Variants in RAB14 observed in about 807,000 individuals in gnomAD.
RAB14 encodes the protein RAB14, member RAS oncogene family, also known as ras-related protein Rab-14.
In RAB14, 3 loss-of-function variants were observed where a neutral mutation model predicts 31.1. The observed-to-expected ratio is 0.10, with a 90% CI of 0.04 to 0.25. The LOEUF (loss-of-function observed/expected upper bound fraction) is 0.25. Ranked by LOEUF, RAB14 falls within the 10% of genes least tolerant of loss-of-function variation. The pLI is 1.00. For synonymous variants in RAB14, 85 were observed against 84.9 expected, an observed-to-expected ratio of 1.00 and a Z score of 0.00; for missense variants, 111 against 260.1, an observed-to-expected ratio of 0.43 and a Z score of 3.94.
rs999471036 is a variant in RAB14, at chr9:121,178,862, C to T, written c.*2534G>A. On this transcript the variant is annotated 3_prime_UTR_variant, in exon 8 of 8. Transcript: ENST00000373840. ...CAACCTCAAGAGGCAGGTGACTGCACAAGCAGTAAGCTATGGATTAAAAAT... is the reference window on the plus strand; with the variant it reads ...CAACCTCAAGAGGCAGGTGACTGCATAAGCAGTAAGCTATGGATTAAAAAT... 6.6e-6 allele frequency: 1 copy of T among 152,320 alleles called. No individual in the cohort carries two copies. The highest frequency in any genetic ancestry group is 2.1e-4 in the South Asian group (1 of 4,826). 9.4% of individuals were successfully genotyped at this position (152,320 alleles called of 1,614,324 possible).
intron 4 of RAB14, among the ~76,000 whole-genome samples, chr9:121,187,956 G>A (rs2053666641): frequency 1.3e-5 from 2 of 151,958 alleles, no homozygotes; most frequent in Non-Finnish European, 2.9e-5. Context: ...TCCTTTAAGT[G>A]TTTCTAGTTT....
intron 5 of RAB14, among the ~76,000 whole-genome samples, chr9:121,185,168 G>A (rs923485052): frequency 2.9e-4 from 44 of 152,176 alleles, no homozygotes; most frequent in African/African-American, 1.0e-3. Flanking sequence ...GACACAGGGC[G>A]GTAAGGTTAA....
chr9:121,194,098 A>T (rs200325047), intron 1 of RAB14, among the ~76,000 whole-genome samples: 467 of 71,556 alleles, frequency 6.5e-3, no homozygotes, highest in African/African-American at 0.013. Context: ...TATCACTCAC[A>T]CACACACACA....
Position 121,190,605 on chromosome 9 carries a change from C to A in RAB14, c.233G>T (p.Arg78Leu). 1 of 1,613,198 alleles carries A rather than the reference C, an allele frequency of 6.2e-7. No homozygotes were observed. Among genetic ancestry groups the A allele is most frequent in the Non-Finnish European group, 8.5e-7 (1 of 1,179,540 alleles). The change falls in exon 4 of 8, where the codon CGG becomes CTG. Residue 78 changes from arginine (R) to leucine (L), a missense_variant. By Grantham distance (102) the Arg-to-Leu change is moderately radical. Coordinates refer to ENST00000373840, the MANE Select transcript of RAB14 (RefSeq NM_016322.4). Reference sequence around the variant, plus strand: ...TCCCGCAGCTCCTCTGTAGTAGCTCCGTGTAACAGCCCTAAATCGCTCCTG... The same window carrying A: ...TCCCGCAGCTCCTCTGTAGTAGCTCAGTGTAACAGCCCTAAATCGCTCCTG... ...AGQERFRAVT[R>L]SYYRGAAGAL...
rs187637515 is a variant in RAB14 at position 121,194,180 on chromosome 9, G to A, written c.-7-761C>T. Among the ~76,000 whole-genome samples, 31 of 151,440 alleles carry A rather than the reference G, an allele frequency of 2.0e-4. No individual in the cohort carries two copies. In the East Asian group the frequency reaches 3.9e-3, roughly 19 times the overall value. Reference sequence around the variant, plus strand: ...GGGTCTTGAACTCCTGGCCTTAAGCGTCCCTCCCATCTCAGTCTCCCAAAG... The same window carrying A: ...GGGTCTTGAACTCCTGGCCTTAAGCATCCCTCCCATCTCAGTCTCCCAAAG... On this transcript the variant is annotated intron_variant, in intron 1 of 7. Transcript: ENST00000373840.
chr9:121,200,370 A>T (rs1037470109), intron 1 of RAB14, among the ~76,000 whole-genome samples: 1 of 152,212 alleles, frequency 6.6e-6, no homozygotes, highest in African/African-American at 2.4e-5. Context: ...AAATAAAAGA[A>T]TTTTTTAAAG....
chr9:121,183,294 G>C lies in RAB14; in HGVS notation c.439+17C>G. On this transcript the variant is annotated intron_variant, in intron 6 of 7. Coordinates refer to ENST00000373840, the MANE Select transcript of RAB14 (RefSeq NM_016322.4). ...AAATTCTCCCAATTGTGACCATTAA[G>C]TCTTAAAGAAACTCACCATTTTCTT... 1 of 1,577,902 alleles carries C rather than the reference G, an allele frequency of 6.3e-7. No individual in the cohort carries two copies. The highest frequency in any genetic ancestry group is 2.2e-5 in the East Asian group (1 of 44,596).
intron 4 of RAB14, among the ~76,000 whole-genome samples, chr9:121,189,606 CAATAA>C (rs1337246217): frequency 6.6e-6 from 1 of 152,004 alleles, no homozygotes; most frequent in African/African-American, 2.4e-5. Context: ...GTGTGTTCCT[CAATAA>C]AATAAGCTTA....
intron 1 of RAB14, among the ~76,000 whole-genome samples, chr9:121,198,741 A>G (rs2053732660): frequency 6.6e-6 from 1 of 152,194 alleles, no homozygotes; most frequent in Non-Finnish European, 1.5e-5. Flanking sequence ...AATGATCAAA[A>G]AAGACAACAC....
chr9:121,195,925 T>C (rs1485789357), intron 1 of RAB14, among the ~76,000 whole-genome samples: 2 of 152,186 alleles, frequency 1.3e-5, no homozygotes, highest in East Asian at 1.9e-4. Context: ...AGTAGAATTA[T>C]ATTCAATACT....
At position 121,179,915 on chromosome 9, in the gene RAB14, A is replaced by G. The variant is rs547445137; in HGVS notation, c.*1481T>C. On this transcript the variant is annotated 3_prime_UTR_variant, in exon 8 of 8. Transcript: ENST00000373840. ...CTATTCTATTTCAAATAAATTCTCA[A>G]TTCCCAGCCACTGAATCATAAATGC... 4 of 152,672 alleles carry G rather than the reference A, an allele frequency of 2.6e-5. No homozygotes were observed. The highest frequency in any genetic ancestry group is 4.1e-4 in the South Asian group (2 of 4,828). The allele number at this position is 152,672 out of a possible 1,614,324, so 9.5% of individuals were successfully genotyped here. A position where few individuals can be genotyped will look rare whatever the true frequency, so the allele number is the denominator to read the frequency against.
intron 3 of RAB14, among the ~76,000 whole-genome samples, chr9:121,191,389 G>A (rs2053685780): frequency 6.6e-6 from 1 of 152,094 alleles, no homozygotes; most frequent in Non-Finnish European, 1.5e-5. Context: ...CCATGTTGGA[G>A]TGCAGTAGCA....
chr9:121,189,809 A>T (rs1020551804), intron 4 of RAB14, among the ~76,000 whole-genome samples: 1 of 152,116 alleles, frequency 6.6e-6, no homozygotes, highest in African/African-American at 2.4e-5. Flanking sequence ...CCCCCAAGAA[A>T]CAGAGTCACA....
rs1885995 is a variant in RAB14 at position 121,178,518 on chromosome 9, C to G, written c.*2878G>C. Reference sequence around the variant, plus strand: ...TTCTGTTTAGGGGAATGAACTGAACCACTCATTTTTTTAAAATCACACTTA... The same window carrying G: ...TTCTGTTTAGGGGAATGAACTGAACGACTCATTTTTTTAAAATCACACTTA... On this transcript the variant is annotated 3_prime_UTR_variant, in exon 8 of 8. Coordinates refer to ENST00000373840, the MANE Select transcript of RAB14 (RefSeq NM_016322.4). 78,000 of 152,304 alleles carry G rather than the reference C, an allele frequency of 0.51. 21,899 individuals are homozygous for G. Among genetic ancestry groups the G allele is most frequent in the South Asian group, 0.8 (3,874 of 4,818 alleles). The allele number at this position is 152,304 out of a possible 1,614,324, so 9.4% of individuals were successfully genotyped here.
chr9:121,188,676 G>GT (rs1328555682), intron 4 of RAB14, among the ~76,000 whole-genome samples: 1 of 151,856 alleles, frequency 6.6e-6, no homozygotes. Flanking sequence ...GGACTTTTAC[G>GT]TTTGTAAAAT....
intron 3 of RAB14, among the ~76,000 whole-genome samples, chr9:121,191,555 T>C (rs2053686871): frequency 6.6e-6 from 1 of 152,112 alleles, no homozygotes; most frequent in African/African-American, 2.4e-5. Context: ...TCTAAGCCAA[T>C]TAACAAATTT....
chr9:121,196,813 A>G (rs2053719648), intron 1 of RAB14, among the ~76,000 whole-genome samples: 1 of 152,224 alleles, frequency 6.6e-6, no homozygotes. Context: ...ACTAACTTAT[A>G]ATACTATAAT....
At chr9:121,192,264 T>G in intron 2 of RAB14, 40 bp from the exon 3 acceptor site, 2 of 1,485,730 alleles carry the variant, frequency 1.3e-6, no homozygotes, top group East Asian at 4.6e-5. Flanking sequence ...CAATTACATT[T>G]CTCAATTTTA....
At position 121,180,501 on chromosome 9, in the gene RAB14, A is replaced by C. The variant is rs2053626963; in HGVS notation, c.*895T>G. On this transcript the variant is annotated 3_prime_UTR_variant, in exon 8 of 8. Coordinates refer to ENST00000373840, the MANE Select transcript of RAB14 (RefSeq NM_016322.4). ...CTAGTGTTAATCCTCTGATGCTAGG[A>C]GCTCTTTCCAGCATAATGTCCCCAA... The C allele has an allele frequency of 6.6e-6, 1 of 152,626 alleles. No individual in the cohort carries two copies. Among genetic ancestry groups the C allele is most frequent in the African/African-American group, 2.4e-5 (1 of 41,442 alleles). 9.5% of individuals were successfully genotyped at this position (152,626 alleles called of 1,614,324 possible). A position where few individuals can be genotyped will look rare whatever the true frequency, so the allele number is the denominator to read the frequency against.
Sources: gnomAD v4.1 joint callset for allele counts (sites outside exome capture counted in the v4.1 genomes callset) on GRCh38, gnomAD v4.1.1 for gene constraint, MANE v1.5 for transcripts, NCBI Gene and HGNC (gene_info 2026-07-23, HGNC 2026-07-21) for gene names.